The following HNRNPLL variants were observed in gnomAD, a reference collection of about 807,000 sequenced individuals.
HNRNPLL encodes the protein heterogeneous nuclear ribonucleoprotein L like, also known as heterogeneous nuclear ribonucleoprotein L-like.
A neutral mutation model predicts 67.1 loss-of-function variants in HNRNPLL; 25 were observed. That is an observed-to-expected ratio of 0.37 (90% confidence interval 0.27 to 0.52). The LOEUF (loss-of-function observed/expected upper bound fraction) is 0.52, where lower values mean the gene tolerates loss of function less well. Among genes scored for constraint, HNRNPLL ranks in the 20% least tolerant of loss-of-function variants. The pLI is 0.90. For synonymous variants in HNRNPLL, 267 were observed against 241.7 expected (o/e 1.10, Z -0.97); for missense variants, 542 against 673.9 (o/e 0.80, Z 2.17).
intron 4 of HNRNPLL, among the ~76,000 whole-genome samples, chr2:38,583,435 A>G (rs1476363728): frequency 1.3e-5 from 2 of 152,186 alleles, no homozygotes; most frequent in East Asian, 3.8e-4. Context: ...TGTGTGACAA[A>G]TTTAACATAA....
At chr2:38,566,889 T>C (rs1665884119) in intron 12 of HNRNPLL, among the ~76,000 whole-genome samples, 2 of 151,406 alleles carry the variant, frequency 1.3e-5, no homozygotes, top group Non-Finnish European at 2.9e-5. Context: ...AGGATGTTTA[T>C]TACAATAACA....
chr2:38,564,009 T>A lies in HNRNPLL; in HGVS notation c.*173A>T, dbSNP rs1665751571. The A allele has an allele frequency of 5.3e-6, 3 of 570,746 alleles. No homozygotes were observed. Among genetic ancestry groups the A allele is most frequent in the African/African-American group, 1.9e-5 (1 of 52,276 alleles). 35.4% of individuals were successfully genotyped at this position (570,746 alleles called of 1,614,324 possible). On this transcript the variant is annotated 3_prime_UTR_variant, in exon 13 of 13. Transcript: ENST00000449105. ...TATTCTATCTTAAAATGAAAACAAT[T>A]CAATATTTAAGCTTACAACAAATTT...
At chr2:38,592,787 C>T (rs1667014816) in intron 1 of HNRNPLL, among the ~76,000 whole-genome samples, 1 of 152,190 alleles carries the variant, frequency 6.6e-6, no homozygotes, top group African/African-American at 2.4e-5. Flanking sequence ...TGACTTCCAC[C>T]GTGTACATCC....
chr2:38,573,430 A>G lies in HNRNPLL; in HGVS notation c.875-3T>C, dbSNP rs370790071. The G allele has an allele frequency of 1.9e-6, 3 of 1,581,244 alleles. No individual in the cohort carries two copies. The African/African-American group carries it at 4.1e-5, about 21-fold the overall frequency. On this transcript the variant is annotated splice_polypyrimidine_tract_variant and splice_region_variant and intron_variant, in intron 7 of 12. Transcript: ENST00000449105. ...AGGCAATAATGGACCATGGGATCCT[A>G]TAAAAATGATCAAAATAAATAAATT... is the stretch of plus-strand genomic sequence containing the variant.
At chr2:38,593,325 G>C (rs1667034028) in intron 1 of HNRNPLL, among the ~76,000 whole-genome samples, 1 of 152,056 alleles carries the variant, frequency 6.6e-6, no homozygotes, top group Non-Finnish European at 1.5e-5. Context: ...AAATATAACT[G>C]GAAATGAATA....
intron 12 of HNRNPLL, 95 bp downstream of exon 12, chr2:38,568,104 A>G (rs895349060): frequency 2.1e-5 from 15 of 713,128 alleles, no homozygotes; most frequent in Non-Finnish European, 3.5e-5. Flanking sequence ...ATTTTTTAAG[A>G]AGCCTATTAA....
chr2:38,579,125 T>C (rs1666419000), intron 6 of HNRNPLL, among the ~76,000 whole-genome samples: 1 of 152,054 alleles, frequency 6.6e-6, no homozygotes, highest in East Asian at 1.9e-4. Context: ...CTCAGTTTTA[T>C]TGATACAGTT....
intron 8 of HNRNPLL, among the ~76,000 whole-genome samples, chr2:38,572,616 A>G (rs1278742438): frequency 1.3e-5 from 2 of 152,120 alleles, no homozygotes; most frequent in African/African-American, 4.8e-5. Flanking sequence ...GGGAAAACAC[A>G]GTTATTTGAT....
At chr2:38,583,991 C>A (rs548262590) in intron 3 of HNRNPLL, 65 bp from the exon 4 acceptor site, 10 of 646,400 alleles carry the variant, frequency 1.5e-5, no homozygotes, top group Non-Finnish European at 2.6e-5. Context: ...AGCTATACTT[C>A]GTTTTGTTTT....
At position 38,566,844 on chromosome 2, in the gene HNRNPLL, A is replaced by T. The variant is rs574063990; in HGVS notation, c.1573+1355T>A. Among the ~76,000 whole-genome samples the T allele has an allele frequency of 2.5e-4, 38 of 150,926 alleles. 1 individual carries two copies. The highest frequency in any genetic ancestry group is 6.8e-3 in the Middle Eastern group (2 of 294). On this transcript the variant is annotated intron_variant, in intron 12 of 12. Coordinates refer to ENST00000449105, the MANE Select transcript of HNRNPLL (RefSeq NM_138394.4). ...ATTAAAAAAAAAAAAAATTAAAAATAAAAAAAAATTTAAAAATAAAAAAGT... is the reference window on the plus strand; with the variant it reads ...ATTAAAAAAAAAAAAAATTAAAAATTAAAAAAAATTTAAAAATAAAAAAGT...
chr2:38,590,392 A>T (rs1666909898), intron 2 of HNRNPLL, among the ~76,000 whole-genome samples: 1 of 152,188 alleles, frequency 6.6e-6, no homozygotes, highest in African/African-American at 2.4e-5. Flanking sequence ...GTATCTCAGA[A>T]AACACACTGA....
chr2:38,589,255 T>C (rs899128343), intron 2 of HNRNPLL, among the ~76,000 whole-genome samples: 5 of 152,250 alleles, frequency 3.3e-5, no homozygotes, highest in Non-Finnish European at 2.9e-5. Flanking sequence ...TTCTTACCTA[T>C]GCATCTAGTT....
chr2:38,602,281 G>A (rs774835744), intron 1 of HNRNPLL, 157 bp downstream of exon 1: 8 of 680,058 alleles, frequency 1.2e-5, no homozygotes, highest in Middle Eastern at 4.0e-4. Flanking sequence ...AACAGGTAGA[G>A]GCCAGAATAC....
At chr2:38,571,330 T>A (rs1666074123) in intron 8 of HNRNPLL, among the ~76,000 whole-genome samples, 1 of 152,090 alleles carries the variant, frequency 6.6e-6, no homozygotes, top group African/African-American at 2.4e-5. Context: ...TAGTCACCTA[T>A]TGTTGGAGCA....
chr2:38,593,802 G>A (rs1284441462), intron 1 of HNRNPLL, among the ~76,000 whole-genome samples: 1 of 151,642 alleles, frequency 6.6e-6, no homozygotes, highest in African/African-American at 2.4e-5. Flanking sequence ...GGCACAGGCT[G>A]CAGTGAGCCG....
At chr2:38,587,739 G>T (rs1288822475) in intron 2 of HNRNPLL, among the ~76,000 whole-genome samples, 1 of 152,128 alleles carries the variant, frequency 6.6e-6, no homozygotes, top group Non-Finnish European at 1.5e-5. Flanking sequence ...TATGAAAACA[G>T]AAAATTATAA....
chr2:38,568,749 T>C (rs2148337477), intron 10 of HNRNPLL, among the ~76,000 whole-genome samples: 1 of 152,286 alleles, frequency 6.6e-6, no homozygotes, highest in Non-Finnish European at 1.5e-5. Flanking sequence ...TTCCACAAAA[T>C]CATTTCTTAT....
intron 9 of HNRNPLL, among the ~76,000 whole-genome samples, 162 bp downstream of exon 9, chr2:38,569,642 T>TA (rs1665994338): frequency 6.6e-6 from 1 of 152,224 alleles, no homozygotes; most frequent in Admixed American, 6.5e-5. Flanking sequence ...ATCTGAGTGA[T>TA]ACGACCCTAA....
rs148423129 is a variant in HNRNPLL at position 38,586,581 on chromosome 2, C to T, written c.309-700G>A. On this transcript the variant is annotated intron_variant, in intron 2 of 12. Coordinates refer to ENST00000449105, the MANE Select transcript of HNRNPLL (RefSeq NM_138394.4). ...ACTTGACAGCACAAACTACCTCTCT[C>T]GAATTTTCTTGAATAAACATCCATA... Among the ~76,000 whole-genome samples, 746 of 152,220 alleles carry T rather than the reference C, an allele frequency of 4.9e-3. 3 individuals carry two copies. The highest frequency in any genetic ancestry group is 8.8e-3 in the Non-Finnish European group (597 of 68,012).
Sources: gnomAD v4.1 joint callset for allele counts (sites outside exome capture counted in the v4.1 genomes callset) on GRCh38, gnomAD v4.1.1 for gene constraint, MANE v1.5 for transcripts, NCBI Gene and HGNC (gene_info 2026-07-23, HGNC 2026-07-21) for gene names.